The following ITIH5 variants were observed in gnomAD, a reference collection of about 807,000 sequenced individuals.
The protein encoded by ITIH5 is inter-alpha-trypsin inhibitor heavy chain 5.
ITIH5 carries 65 observed loss-of-function variants against 77.5 expected under a neutral mutation model. That is an observed-to-expected ratio of 0.84 (90% CI 0.69 to 1.03). ITIH5 has a LOEUF of 1.03. ITIH5 is among the 50% of genes least tolerant of loss of function. The probability of loss-of-function intolerance (pLI) is 0.00; values close to 1 mark genes in which losing one functional copy is unlikely to be tolerated. For missense variants in ITIH5, 1,208 were observed against 1,213.1 expected (o/e 1.00, Z 0.06); for synonymous variants, 525 against 494.3 (o/e 1.06, Z -0.82).
chr10:7,595,001 G>A (rs892610088), intron 7 of ITIH5, among the ~76,000 whole-genome samples: 4 of 152,200 alleles, frequency 2.6e-5, no homozygotes, highest in Admixed American at 6.5e-5. Context: ...GTGAATGGGC[G>A]TCATCTCTGC....
intron 7 of ITIH5, among the ~76,000 whole-genome samples, chr10:7,602,010 G>A (rs898933141): frequency 3.9e-5 from 6 of 151,978 alleles, no homozygotes; most frequent in Non-Finnish European, 5.9e-5. Context: ...GTGCCACCAC[G>A]CAGGGCTAAT....
chr10:7,564,550 G>A (rs1438616799), intron 13 of ITIH5, among the ~76,000 whole-genome samples: 1 of 152,108 alleles, frequency 6.6e-6, no homozygotes, highest in Non-Finnish European at 1.5e-5. Context: ...ATGCTGTACA[G>A]GTTTGCAGCC....
At chr10:7,647,925 G>A (rs1887331) in intron 2 of ITIH5, among the ~76,000 whole-genome samples, 31,325 of 151,730 alleles carry the variant, frequency 0.21, 3,943 homozygotes, top group Non-Finnish European at 0.29. Context: ...CCAAAGCCTC[G>A]ATTTCCAATC....
At chr10:7,567,251 G>A (rs1832204622) in intron 12 of ITIH5, among the ~76,000 whole-genome samples, 1 of 151,674 alleles carries the variant, frequency 6.6e-6, no homozygotes, top group African/African-American at 2.4e-5. Flanking sequence ...GTAGTGATAA[G>A]AACTCTTATA....
chr10:7,646,721 A>G (rs1332535380), intron 2 of ITIH5, among the ~76,000 whole-genome samples: 1 of 152,080 alleles, frequency 6.6e-6, no homozygotes, highest in Non-Finnish European at 1.5e-5. Flanking sequence ...TCCCCTCTAT[A>G]TAGTCCTTCC....
intron 5 of ITIH5, among the ~76,000 whole-genome samples, chr10:7,626,822 T>A (rs1160890984): frequency 2.0e-5 from 3 of 152,218 alleles, no homozygotes; most frequent in Non-Finnish European, 4.4e-5. Context: ...TTATCCAGAT[T>A]TTCTGTAACC....
intron 10 of ITIH5, among the ~76,000 whole-genome samples, chr10:7,575,692 C>T (rs938751475): frequency 2.0e-5 from 3 of 152,034 alleles, no homozygotes; most frequent in African/African-American, 7.2e-5. Context: ...TGCAAGAATC[C>T]GTACCTTGGT....
intron 2 of ITIH5, among the ~76,000 whole-genome samples, chr10:7,644,095 G>A (rs1484128450): frequency 6.6e-6 from 1 of 152,066 alleles, no homozygotes; most frequent in Admixed American, 6.5e-5. Context: ...ACAATTAACT[G>A]CGTGTGGTGG....
intron 5 of ITIH5, chr10:7,618,798 T>C (rs1833420031): frequency 1.3e-5 from 2 of 152,378 alleles, no homozygotes; most frequent in South Asian, 2.1e-4. Flanking sequence ...ATAAACTTCC[T>C]TCTGCTGAGG....
At chr10:7,603,769 G>C (rs142291729) in intron 7 of ITIH5, among the ~76,000 whole-genome samples, 3,085 of 152,224 alleles carry the variant, frequency 0.02, 107 homozygotes, top group African/African-American at 0.072. Flanking sequence ...ATTTTTAGTA[G>C]AGACGAGGTT....
At position 7,615,863 on chromosome 10, in the gene ITIH5, G is replaced by A. The variant is rs1833353377; in HGVS notation, c.939+119C>T. 18 of 690,480 alleles carry A rather than the reference G, an allele frequency of 2.6e-5. No homozygotes were observed. The South Asian group carries it at 2.9e-4, about 11-fold the overall frequency. 42.8% of individuals were successfully genotyped at this position (690,480 alleles called of 1,614,324 possible). A position where few individuals can be genotyped will look rare whatever the true frequency, so the allele number is the denominator to read the frequency against. On this transcript the variant is annotated intron_variant, in intron 7 of 13. Transcript: ENST00000397146. ...ATCCGCTCAAGAAGGCTTTCCATAG[G>A]CAGGAATCGCTGGATGGTAAAGCTG...
chr10:7,612,659 T>G (rs1001849987), intron 7 of ITIH5, among the ~76,000 whole-genome samples: 9 of 78,736 alleles, frequency 1.1e-4, no homozygotes, highest in African/African-American at 3.5e-4. Context: ...AAAAGCTGTG[T>G]TTTTTTTTTT....
chr10:7,636,028 C>T lies in ITIH5; in HGVS notation c.652+1200G>A, dbSNP rs114321576. ...TGGTGCAATTTTTGAACATTCCTGT[C>T]TCATCCAATTCAACACTGACCAGCC... On this transcript the variant is annotated intron_variant, in intron 5 of 13. Transcript: ENST00000397146. Among the ~76,000 whole-genome samples the T allele has an allele frequency of 6.8e-3, 1,037 of 152,232 alleles. 14 individuals are homozygous for T. Among genetic ancestry groups the T allele is most frequent in the African/African-American group, 0.023 (964 of 41,536 alleles).
At chr10:7,627,159 G>C (rs1175919331) in intron 5 of ITIH5, among the ~76,000 whole-genome samples, 1 of 152,048 alleles carries the variant, frequency 6.6e-6, no homozygotes, top group Non-Finnish European at 1.5e-5. Context: ...CAAGGGGAGG[G>C]AAAGCATTAG....
At chr10:7,644,510 G>C (rs117959387) in intron 2 of ITIH5, among the ~76,000 whole-genome samples, 5,931 of 54,550 alleles carry the variant, frequency 0.11, 458 homozygotes, top group South Asian at 0.14. Context: ...ACATATATAT[G>C]ATATATATCA....
intron 1 of ITIH5, among the ~76,000 whole-genome samples, chr10:7,663,998 A>G (rs908794125): frequency 1.3e-5 from 2 of 152,226 alleles, no homozygotes; most frequent in Non-Finnish European, 1.5e-5. Flanking sequence ...TAAAGACACC[A>G]TATAAATTTA....
At chr10:7,565,634 T>C (rs1467735411) in intron 13 of ITIH5, among the ~76,000 whole-genome samples, 1 of 148,730 alleles carries the variant, frequency 6.7e-6, no homozygotes, top group Non-Finnish European at 1.5e-5. Flanking sequence ...TATGTATATA[T>C]GTATAGACTG....
chr10:7,601,084 CT>C (rs1390704341), intron 7 of ITIH5, among the ~76,000 whole-genome samples: 1 of 152,132 alleles, frequency 6.6e-6, no homozygotes, highest in East Asian at 1.9e-4. Flanking sequence ...GGGGAAAGAG[CT>C]CTTAATTGTT....
chr10:7,646,965 C>T (rs1012418738), intron 2 of ITIH5, among the ~76,000 whole-genome samples: 2 of 152,190 alleles, frequency 1.3e-5, no homozygotes, highest in Non-Finnish European at 2.9e-5. Flanking sequence ...GGCACAGACC[C>T]CCATCTCCAT....
Sources: gnomAD v4.1 joint callset for allele counts (sites outside exome capture counted in the v4.1 genomes callset) on GRCh38, gnomAD v4.1.1 for gene constraint, MANE v1.5 for transcripts, NCBI Gene and HGNC (gene_info 2026-07-23, HGNC 2026-07-21) for gene names.